Variants in MALRD1 observed in about 807,000 individuals in gnomAD.
The protein encoded by MALRD1 is MAM and LDL receptor class A domain containing 1, also known as MAM and LDL-receptor class A domain-containing protein 1.
A neutral mutation model predicts 242.1 loss-of-function variants in MALRD1; 247 were observed. That is an observed-to-expected ratio of 1.02 (90% CI 0.92 to 1.13). The LOEUF (loss-of-function observed/expected upper bound fraction) is 1.13, where lower values mean the gene tolerates loss of function less well. Ranked by LOEUF, MALRD1 falls within the 50% of genes most tolerant of loss-of-function variation. The pLI is 0.00. For missense variants in MALRD1, 2,989 were observed against 2,533.1 expected, an observed-to-expected ratio of 1.18 and a Z score of -3.86; for synonymous variants, 995 against 866.6, an observed-to-expected ratio of 1.15 and a Z score of -2.60.
intron 19 of MALRD1, among the ~76,000 whole-genome samples, chr10:19,268,259 C>T (rs1278559564): frequency 6.6e-6 from 1 of 151,428 alleles, no homozygotes; most frequent in Non-Finnish European, 1.5e-5. Context: ...AAAAAAAAAG[C>T]ACTGCATAGT....
chr10:19,686,795 A>T (rs1485894260), intron 36 of MALRD1, among the ~76,000 whole-genome samples: 1 of 152,178 alleles, frequency 6.6e-6, no homozygotes, highest in African/African-American at 2.4e-5. Flanking sequence ...GCCTAAATGA[A>T]TTTGAAGGCG....
At chr10:19,452,112 A>T (rs11010026) in intron 29 of MALRD1, among the ~76,000 whole-genome samples, 45,214 of 152,104 alleles carry the variant, frequency 0.3, 6,808 homozygotes, top group Admixed American at 0.39. Context: ...GATTCTGGCA[A>T]CTTGAAAAGG....
chr10:19,152,412 A>G (rs1833973781), intron 11 of MALRD1, among the ~76,000 whole-genome samples: 1 of 152,230 alleles, frequency 6.6e-6, no homozygotes, highest in Non-Finnish European at 1.5e-5. Flanking sequence ...TTTAGCTTCC[A>G]AATCAATGGT....
Position 19,056,277 on chromosome 10 carries a change from G to C in MALRD1, c.199+7140G>C, listed in dbSNP as rs566830352. On this transcript the variant is annotated intron_variant, in intron 1 of 39. Transcript: ENST00000454679. ...TTGCATTAAATCTGTAGATCGCTTT[G>C]AGTGCTATGGGCATTTTGACAATAT... 3.2e-3 allele frequency among the ~76,000 whole-genome samples: 492 copies of C among 151,752 alleles called. 1 individual carries two copies. Among genetic ancestry groups the C allele is most frequent in the Non-Finnish European group, 5.7e-3 (387 of 67,976 alleles).
At chr10:19,508,843 T>C (rs1190617657) in intron 31 of MALRD1, among the ~76,000 whole-genome samples, 1 of 152,204 alleles carries the variant, frequency 6.6e-6, no homozygotes, top group Non-Finnish European at 1.5e-5. Context: ...TAAAGAAGGC[T>C]TTCTTGTCTA....
chr10:19,670,538 A>G (rs903315965), intron 36 of MALRD1, among the ~76,000 whole-genome samples: 1 of 152,154 alleles, frequency 6.6e-6, no homozygotes, highest in Admixed American at 6.5e-5. Flanking sequence ...GAAAAACACA[A>G]AACAACCCTC....
intron 31 of MALRD1, among the ~76,000 whole-genome samples, chr10:19,504,547 G>A (rs968729607): frequency 1.3e-5 from 2 of 150,886 alleles, no homozygotes; most frequent in African/African-American, 4.9e-5. Context: ...GACCCACTTT[G>A]ATCTTACTCA....
At chr10:19,231,760 C>G (rs1338585989) in intron 18 of MALRD1, among the ~76,000 whole-genome samples, 1 of 152,050 alleles carries the variant, frequency 6.6e-6, no homozygotes, top group Admixed American at 6.5e-5. Context: ...TTGGGTATGA[C>G]TTTATTAGCA....
At chr10:19,508,011 A>G (rs1432186599) in intron 31 of MALRD1, among the ~76,000 whole-genome samples, 2 of 151,928 alleles carry the variant, frequency 1.3e-5, no homozygotes, top group Non-Finnish European at 2.9e-5. Context: ...CATTGTAGCA[A>G]AGGGGGAAAG....
intron 29 of MALRD1, among the ~76,000 whole-genome samples, chr10:19,478,847 C>G (rs572587955): frequency 6.6e-6 from 1 of 152,218 alleles, no homozygotes; most frequent in Non-Finnish European, 1.5e-5. Context: ...ATAATTATCA[C>G]ACAGGCTATT....
At chr10:19,689,454 A>G (rs1425764964) in intron 36 of MALRD1, among the ~76,000 whole-genome samples, 2 of 152,134 alleles carry the variant, frequency 1.3e-5, no homozygotes, top group East Asian at 3.9e-4. Flanking sequence ...AATTTTCTTC[A>G]CTATAGAACA....
chr10:19,650,286 A>G (rs1394891590), intron 36 of MALRD1, among the ~76,000 whole-genome samples: 1 of 152,222 alleles, frequency 6.6e-6, no homozygotes, highest in Non-Finnish European at 1.5e-5. Flanking sequence ...GAAAGCGAAC[A>G]TGAAATACAA....
rs568761883 is a variant in MALRD1 at position 19,159,580 on chromosome 10, T to C, written c.1656+4408T>C. 9.9e-5 allele frequency among the ~76,000 whole-genome samples: 15 copies of C among 151,722 alleles called. No homozygotes were observed. In the South Asian group the frequency reaches 1.9e-3, roughly 19 times the overall value. On this transcript the variant is annotated intron_variant, in intron 12 of 39. Transcript: ENST00000454679. The stretch of plus-strand genomic sequence containing the variant: ...AATTAGAACGAAGTCCACAGGGAAG[T>C]TGAGAAAATTGGCAGAAAATTTGAA...
intron 28 of MALRD1, among the ~76,000 whole-genome samples, chr10:19,401,062 T>C (rs1846816601): frequency 6.6e-6 from 1 of 151,828 alleles, no homozygotes; most frequent in Non-Finnish European, 1.5e-5. Flanking sequence ...AAGGAGAACA[T>C]TATTTCAAAT....
intron 18 of MALRD1, among the ~76,000 whole-genome samples, chr10:19,251,709 G>A (rs1839298552): frequency 2.0e-5 from 3 of 151,926 alleles, no homozygotes; most frequent in Non-Finnish European, 4.4e-5. Context: ...CCAGACATGG[G>A]ACATGAATTG....
At chr10:19,107,236 C>T (rs1035094912) in intron 5 of MALRD1, among the ~76,000 whole-genome samples, 2 of 151,860 alleles carry the variant, frequency 1.3e-5, no homozygotes, top group African/African-American at 4.8e-5. Context: ...GTTAAAATCC[C>T]TTGCTATTAT....
chr10:19,163,041 G>A (rs1187896341), intron 12 of MALRD1, among the ~76,000 whole-genome samples: 1 of 145,938 alleles, frequency 6.9e-6, no homozygotes, highest in Non-Finnish European at 1.5e-5. Context: ...AGAAGGCTGA[G>A]TTGGGAGAAT....
intron 38 of MALRD1, among the ~76,000 whole-genome samples, chr10:19,716,213 A>G (rs578039891): frequency 6.6e-6 from 1 of 152,364 alleles, no homozygotes; most frequent in South Asian, 2.1e-4. Context: ...AGGAGGTGGT[A>G]TGGTTTGGAT....
At chr10:19,480,917 T>C (rs918060744) in intron 29 of MALRD1, among the ~76,000 whole-genome samples, 3 of 152,170 alleles carry the variant, frequency 2.0e-5, no homozygotes, top group Non-Finnish European at 4.4e-5. Context: ...CAATCAATTG[T>C]TCTAAAATTA....
Sources: gnomAD v4.1 joint callset for allele counts (sites outside exome capture counted in the v4.1 genomes callset) on GRCh38, gnomAD v4.1.1 for gene constraint, MANE v1.5 for transcripts, NCBI Gene and HGNC (gene_info 2026-07-23, HGNC 2026-07-21) for gene names.